The following NEGR1 variants were observed in gnomAD, a reference collection of about 807,000 sequenced individuals.
The protein encoded by NEGR1 is IgLON family member 4.
In NEGR1, 10 loss-of-function variants were observed where a neutral mutation model predicts 40.9. That is an observed-to-expected ratio of 0.24 (90% CI 0.15 to 0.42). The LOEUF (loss-of-function observed/expected upper bound fraction) is 0.42, where lower values mean the gene tolerates loss of function less well. Among genes scored for constraint, NEGR1 ranks in the 10% least tolerant of loss-of-function variants. NEGR1 has a pLI of 1.00. For synonymous variants in NEGR1, 185 were observed against 166.8 expected (o/e 1.11, Z -0.84); for missense variants, 352 against 438.9 (o/e 0.80, Z 1.77).
At chr1:71,503,174 C>G (rs771259070) in intron 6 of NEGR1, among the ~76,000 whole-genome samples, 1 of 152,084 alleles carries the variant, frequency 6.6e-6, no homozygotes, top group Non-Finnish European at 1.5e-5. Context: ...GCCTAAAGAC[C>G]CTACTTGTAA....
At chr1:71,697,985 T>C (rs765835588) in intron 4 of NEGR1, 23 bp downstream of exon 4, 32 of 1,599,886 alleles carry the variant, frequency 2.0e-5, no homozygotes, top group Non-Finnish European at 2.7e-5. Flanking sequence ...GAACTTATCT[T>C]GATAAAAGGT....
chr1:71,727,142 T>G (rs371645416), intron 3 of NEGR1, among the ~76,000 whole-genome samples: 9 of 152,258 alleles, frequency 5.9e-5, no homozygotes, highest in Admixed American at 5.2e-4. Flanking sequence ...AGATTTTATT[T>G]TCTGCATTAC....
intron 6 of NEGR1, among the ~76,000 whole-genome samples, chr1:71,412,061 A>G (rs1646326271): frequency 6.6e-6 from 1 of 152,010 alleles, no homozygotes; most frequent in East Asian, 1.9e-4. Context: ...TTTATTGAGT[A>G]AAGCCAAAAC....
chr1:71,608,495 C>CTT (rs5775073), intron 5 of NEGR1, among the ~76,000 whole-genome samples: 2,879 of 138,542 alleles, frequency 0.021, 77 homozygotes, highest in African/African-American at 0.048. Flanking sequence ...ATTACTGTAG[C>CTT]TTTTTTTTTT....
At chr1:71,462,433 T>A (rs1196622710) in intron 6 of NEGR1, among the ~76,000 whole-genome samples, 1 of 152,120 alleles carries the variant, frequency 6.6e-6, no homozygotes, top group Non-Finnish European at 1.5e-5. Flanking sequence ...GTTCTCAAGG[T>A]AGTTCCCTTT....
At chr1:71,638,712 T>C (rs1385701456) in intron 4 of NEGR1, among the ~76,000 whole-genome samples, 1 of 152,050 alleles carries the variant, frequency 6.6e-6, no homozygotes, top group Non-Finnish European at 1.5e-5. Context: ...ATTACTATCT[T>C]ATGGATAGTA....
At chr1:71,534,292 T>C (rs573245766) in intron 6 of NEGR1, among the ~76,000 whole-genome samples, 121 of 151,790 alleles carry the variant, frequency 8.0e-4, no homozygotes, top group Middle Eastern at 6.8e-3. Flanking sequence ...ACTATTGGTT[T>C]GAATAATAAA....
At chr1:71,772,535 T>C (rs1422361906) in intron 3 of NEGR1, among the ~76,000 whole-genome samples, 1 of 152,110 alleles carries the variant, frequency 6.6e-6, no homozygotes, top group Non-Finnish European at 1.5e-5. Context: ...GAGTTCTGGA[T>C]TGGATTCTGT....
intron 1 of NEGR1, among the ~76,000 whole-genome samples, chr1:72,026,592 A>T (rs1646812520): frequency 6.6e-6 from 1 of 152,152 alleles, no homozygotes; most frequent in Admixed American, 6.5e-5. Flanking sequence ...TCTCCAATAT[A>T]GTCTTCAAGC....
At position 71,524,792 on chromosome 1, in the gene NEGR1, T is replaced by C. The variant is rs147588279; in HGVS notation, c.940+68025A>G. Among the ~76,000 whole-genome samples, 125 of 151,846 alleles carry C rather than the reference T, an allele frequency of 8.2e-4. No homozygotes were observed. The East Asian group carries it at 0.012, about 14-fold the overall frequency. ...AAATCCAGTGTAAACACATGTATTC[T>C]TAAATGCAAAAGAGGGAGACTGAAG... On this transcript the variant is annotated intron_variant, in intron 6 of 6. Transcript: ENST00000357731.
chr1:71,949,544 G>C (rs1646050880), intron 1 of NEGR1, among the ~76,000 whole-genome samples: 1 of 152,110 alleles, frequency 6.6e-6, no homozygotes. Flanking sequence ...TGTGACTGCT[G>C]CATAAAAGAA....
At chr1:71,803,984 C>A (rs918827688) in intron 2 of NEGR1, among the ~76,000 whole-genome samples, 1 of 151,704 alleles carries the variant, frequency 6.6e-6, no homozygotes, top group Non-Finnish European at 1.5e-5. Flanking sequence ...CATATTTGTA[C>A]TTCTAAGGCC....
chr1:71,894,885 C>A (rs556091840), intron 2 of NEGR1, among the ~76,000 whole-genome samples: 234 of 151,834 alleles, frequency 1.5e-3, no homozygotes, highest in African/African-American at 5.4e-3. Context: ...AGCCACTGCA[C>A]TTCAGCCTGG....
intron 1 of NEGR1, among the ~76,000 whole-genome samples, chr1:72,137,541 A>T (rs563255770): frequency 1.3e-5 from 2 of 151,738 alleles, no homozygotes; most frequent in Admixed American, 6.6e-5. Context: ...TGGGAGTTGA[A>T]CAATAAGAAC....
chr1:71,536,198 G>A (rs1647509356), intron 6 of NEGR1, among the ~76,000 whole-genome samples: 1 of 151,598 alleles, frequency 6.6e-6, no homozygotes, highest in Non-Finnish European at 1.5e-5. Flanking sequence ...TTATAACATG[G>A]TGAATATATT....
intron 2 of NEGR1, among the ~76,000 whole-genome samples, chr1:71,792,905 T>C (rs1431155869): frequency 6.6e-6 from 1 of 152,096 alleles, no homozygotes; most frequent in Non-Finnish European, 1.5e-5. Context: ...GCAAGGCAGC[T>C]AATTGATTAC....
intron 1 of NEGR1, among the ~76,000 whole-genome samples, chr1:71,997,527 C>T (rs1245135949): frequency 6.6e-6 from 1 of 152,024 alleles, no homozygotes; most frequent in African/African-American, 2.4e-5. Context: ...ATGCTTACAA[C>T]TTTCTACCCT....
intron 1 of NEGR1, among the ~76,000 whole-genome samples, chr1:72,149,338 G>C (rs1651029530): frequency 2.0e-5 from 3 of 152,112 alleles, no homozygotes; most frequent in Admixed American, 2.0e-4. Flanking sequence ...AATTCTGGGA[G>C]ATATAATTCA....
intron 1 of NEGR1, among the ~76,000 whole-genome samples, chr1:71,955,601 C>G (rs1468907709): frequency 2.0e-5 from 3 of 152,240 alleles, no homozygotes; most frequent in East Asian, 3.9e-4. Flanking sequence ...TGTGATTTAC[C>G]ATATAGATCA....
Sources: gnomAD v4.1 joint callset for allele counts (sites outside exome capture counted in the v4.1 genomes callset) on GRCh38, gnomAD v4.1.1 for gene constraint, MANE v1.5 for transcripts, NCBI Gene and HGNC (gene_info 2026-07-23, HGNC 2026-07-21) for gene names.